The following LAMA3 variants were observed in gnomAD, a reference collection of about 807,000 sequenced individuals.
LAMA3 encodes laminin subunit alpha 3, also known as laminin subunit alpha-3.
In LAMA3, 281 loss-of-function variants were observed where a neutral mutation model predicts 402.0. The ratio of observed to expected loss-of-function variants is 0.70; its 90% CI spans 0.63 to 0.77. The LOEUF (loss-of-function observed/expected upper bound fraction) is 0.77. Among genes scored for constraint, LAMA3 ranks in the 30% least tolerant of loss-of-function variants. LAMA3 has a pLI of 0.00. For missense variants in LAMA3, 3,840 were observed against 4,215.5 expected, an observed-to-expected ratio of 0.91 and a Z score of 2.47; for synonymous variants, 1,431 against 1,558.4, an observed-to-expected ratio of 0.92 and a Z score of 1.93.
intron 13 of LAMA3, among the ~76,000 whole-genome samples, chr18:23,811,647 C>T (rs1373695969): frequency 2.0e-5 from 3 of 151,984 alleles, no homozygotes; most frequent in Admixed American, 6.6e-5. Flanking sequence ...GAGAGGAACC[C>T]GAGGTTGGGC....
At chr18:23,769,859 T>G (rs545170905) in intron 8 of LAMA3, among the ~76,000 whole-genome samples, 1 of 152,364 alleles carries the variant, frequency 6.6e-6, no homozygotes, top group East Asian at 1.9e-4. Context: ...AACTATATTG[T>G]TCACAAGTAC....
chr18:23,857,717 A>G (rs2064116372), intron 32 of LAMA3, 127 bp from the exon 33 acceptor site: 1 of 1,171,544 alleles, frequency 8.5e-7, no homozygotes, highest in Admixed American at 1.7e-5. Context: ...TCTGCCTTGG[A>G]CTATAAGCAG....
At chr18:23,738,191 GAGA>G (rs2061507636) in intron 2 of LAMA3, among the ~76,000 whole-genome samples, 1 of 152,240 alleles carries the variant, frequency 6.6e-6, no homozygotes, top group South Asian at 2.1e-4. Context: ...GATGTGTGGG[GAGA>G]AGAGAGGTGG....
intron 12 of LAMA3, among the ~76,000 whole-genome samples, chr18:23,808,042 T>G (rs926932592): frequency 4.6e-5 from 7 of 152,148 alleles, no homozygotes; most frequent in Admixed American, 1.3e-4. Flanking sequence ...TAGACACGCT[T>G]TATATGGAGT....
At chr18:23,730,095 T>A (rs1441967280) in intron 2 of LAMA3, among the ~76,000 whole-genome samples, 1 of 152,136 alleles carries the variant, frequency 6.6e-6, no homozygotes, top group Non-Finnish European at 1.5e-5. Flanking sequence ...AACAAAAATG[T>A]ATGGACCCTG....
At chr18:23,748,535 C>T (rs2061692063) in intron 3 of LAMA3, among the ~76,000 whole-genome samples, 1 of 151,836 alleles carries the variant, frequency 6.6e-6, no homozygotes, top group Non-Finnish European at 1.5e-5. Flanking sequence ...TGGCTTATGC[C>T]TGTAATCCCA....
At chr18:23,774,454 T>G (rs1451770606) in intron 9 of LAMA3, among the ~76,000 whole-genome samples, 1 of 152,236 alleles carries the variant, frequency 6.6e-6, no homozygotes, top group Non-Finnish European at 1.5e-5. Context: ...TGAGTAGTTA[T>G]ATATAATTTA....
chr18:23,930,384 CTT>C (rs2145391604), intron 64 of LAMA3, among the ~76,000 whole-genome samples: 1 of 152,228 alleles, frequency 6.6e-6, no homozygotes, highest in Admixed American at 6.5e-5. Flanking sequence ...GGAATCGAGT[CTT>C]TGCTGTAAAA....
intron 8 of LAMA3, among the ~76,000 whole-genome samples, chr18:23,763,849 G>T (rs1270167013): frequency 6.6e-6 from 1 of 152,198 alleles, no homozygotes; most frequent in Non-Finnish European, 1.5e-5. Flanking sequence ...AGGACAAGTA[G>T]TTATTAATGT....
In LAMA3 at chr18:23,777,611, A is replaced by G. The variant is rs368425632; in HGVS notation, c.1460A>G (p.Asp487Gly). Residue 487 changes from aspartate (D) to glycine (G), a missense_variant, in exon 11 of 75, where the codon GAT (aspartate) becomes GGT (glycine). Transcript: ENST00000313654. ...AGTTCAGAAGATCCAGTAGCTGGAG[A>G]TATAAAAGGCAAGTAACCTCCCTTT... ...TPSSEDPVAGDIKGCDCNLEG... is the reference protein window; with the variant it reads ...TPSSEDPVAGGIKGCDCNLEG... 33 of 1,610,122 alleles carry G rather than the reference A, an allele frequency of 2.0e-5. No individual in the cohort carries two copies. In the African/African-American group the frequency reaches 4.1e-4, roughly 20 times the overall value.
rs763175485 is a variant in LAMA3, at chr18:23,914,441, T to C, written c.7361T>C (p.Val2454Ala). 6.2e-7 allele frequency: 1 copy of C among 1,614,118 alleles called. No individual in the cohort carries two copies. Among genetic ancestry groups the C allele is most frequent in the Non-Finnish European group, 8.5e-7 (1 of 1,180,002 alleles). The change falls in exon 57 of 75, where the codon GTG (valine) becomes GCG (alanine). Residue 2454 changes from valine to alanine, a missense_variant. Around this residue, in one of 3 missense-constraint regions of LAMA3, gnomAD observed 891 missense variants for 857.5 expected, o/e 1.04. Transcript: ENST00000313654. ...ASRDYIGMAV[V>A]DGQLTCVYNL... ...CGGGACTACATCGGCATGGCAGTTG[T>C]GGATGGCCAGCTCACCTGTGTCTAC...
At chr18:23,911,042 C>G (rs1255871351) in intron 55 of LAMA3, among the ~76,000 whole-genome samples, 1 of 137,088 alleles carries the variant, frequency 7.3e-6, no homozygotes, top group Non-Finnish European at 1.5e-5. Context: ...TGGTGATGCA[C>G]ATACAGGCAT....
intron 30 of LAMA3, among the ~76,000 whole-genome samples, chr18:23,845,464 C>T (rs527813420): frequency 6.6e-6 from 1 of 152,332 alleles, no homozygotes; most frequent in African/African-American, 2.4e-5. Flanking sequence ...ACACAGGGTA[C>T]CCTCCACTGG....
intron 64 of LAMA3, among the ~76,000 whole-genome samples, chr18:23,929,220 G>A (rs2082093274): frequency 6.6e-6 from 1 of 152,088 alleles, no homozygotes; most frequent in South Asian, 2.1e-4. Flanking sequence ...TTATACCTGG[G>A]GAATTGGAGA....
At chr18:23,747,032 T>C (rs932667342) in intron 2 of LAMA3, among the ~76,000 whole-genome samples, 2 of 152,094 alleles carry the variant, frequency 1.3e-5, no homozygotes, top group African/African-American at 4.8e-5. Context: ...AGGGCATTCT[T>C]GGGCTAGAGG....
At chr18:23,947,373 AT>A (rs963392317) in intron 70 of LAMA3, among the ~76,000 whole-genome samples, 63 of 152,218 alleles carry the variant, frequency 4.1e-4, no homozygotes, top group African/African-American at 1.4e-3. Context: ...CCTTAATGCA[AT>A]TTTTGCCCTT....
At chr18:23,919,956 A>C (rs1400662085) in intron 60 of LAMA3, among the ~76,000 whole-genome samples, 1 of 152,180 alleles carries the variant, frequency 6.6e-6, no homozygotes, top group African/African-American at 2.4e-5. Flanking sequence ...GTGGGATGAC[A>C]TAAAGAGAGA....
intron 30 of LAMA3, 114 bp from the exon 31 acceptor site, chr18:23,846,183 C>A: frequency 9.3e-7 from 1 of 1,073,208 alleles, no homozygotes; most frequent in Non-Finnish European, 1.5e-6. Flanking sequence ...GACTCCAGAA[C>A]CATGAGCCCG....
intron 4 of LAMA3, among the ~76,000 whole-genome samples, chr18:23,750,051 T>C (rs929304873): frequency 6.6e-6 from 1 of 152,182 alleles, no homozygotes; most frequent in Non-Finnish European, 1.5e-5. Flanking sequence ...CCTGAATGAC[T>C]GCATGGAGCC....
Sources: allele counts gnomAD v4.1 joint callset (sites outside exome capture counted in the v4.1 genomes callset), GRCh38; gene constraint gnomAD v4.1.1; regional missense constraint gnomAD v4.1.1; transcripts MANE v1.5; gene names NCBI Gene and HGNC (gene_info 2026-07-23, HGNC 2026-07-21).